EEPD1: variants seen among roughly 807,000 people sequenced by gnomAD.
EEPD1 encodes the protein endonuclease/exonuclease/phosphatase family domain-containing protein 1.
In EEPD1, 17 loss-of-function variants were observed where a neutral mutation model predicts 46.3. The observed-to-expected ratio is 0.37, with a 90% CI of 0.25 to 0.55. The LOEUF (loss-of-function observed/expected upper bound fraction) is 0.55. EEPD1 is among the 20% of genes least tolerant of loss of function. The pLI is 0.83. For missense variants in EEPD1, 673 were observed against 745.6 expected (o/e 0.90, Z 1.13); for synonymous variants, 313 against 315.6 (o/e 0.99, Z 0.09).
At chr7:36,176,234 A>G (rs965633687) in intron 2 of EEPD1, among the ~76,000 whole-genome samples, 1 of 152,210 alleles carries the variant, frequency 6.6e-6, no homozygotes, top group Non-Finnish European at 1.5e-5. Context: ...TGAAGAGGAT[A>G]AAGCCAGGCC....
chr7:36,220,165 TC>T (rs1786119967), intron 2 of EEPD1, among the ~76,000 whole-genome samples: 1 of 152,060 alleles, frequency 6.6e-6, no homozygotes, highest in African/African-American at 2.4e-5. Context: ...CAAGAAATAA[TC>T]AAAGAACAAT....
chr7:36,244,788 T>C (rs1234160016), intron 3 of EEPD1, among the ~76,000 whole-genome samples: 1 of 106,462 alleles, frequency 9.4e-6, no homozygotes, highest in Admixed American at 1.0e-4. Flanking sequence ...TTTTTTTTTT[T>C]TGGAGACGGA....
chr7:36,180,871 C>T (rs1019394299), intron 2 of EEPD1, among the ~76,000 whole-genome samples: 15 of 151,656 alleles, frequency 9.9e-5, no homozygotes, highest in African/African-American at 3.6e-4. Flanking sequence ...TCATCATGCA[C>T]CTGGACTTCT....
chr7:36,154,850 G>A lies in EEPD1; in HGVS notation c.526G>A (p.Asp176Asn). The change falls in exon 2 of 8, where the codon GAC becomes AAC. Residue 176 changes from aspartate to asparagine, a missense_variant. By Grantham distance (23) the Asp-to-Asn change is conservative. Transcript: ENST00000242108. The surrounding 1 kb of genome is among the most constrained non-coding windows in gnomAD (Gnocchi z 4.2). ...GCATGGGCCCTTTCGCAGCGTTGAG[G>A]ACCTAGTGAGGATGGATGGTATCAA... is the stretch of plus-strand genomic sequence containing the variant. The part of the protein sequence containing the change: ...REHGPFRSVE[D>N]LVRMDGINAA... 2 of 1,614,212 alleles carry A rather than the reference G, an allele frequency of 1.2e-6. No individual in the cohort carries two copies.
rs190342611 is a variant in EEPD1 at position 36,246,920 on chromosome 7, G to A, written c.930+7884G>A. On this transcript the variant is annotated intron_variant, in intron 3 of 7. Coordinates refer to ENST00000242108, the MANE Select transcript of EEPD1 (RefSeq NM_030636.3). ...GCGGGTGGATCGCCTGAGGTCAGGA[G>A]TTCGAGACCAGCCTGGCCGATATGG... Among the ~76,000 whole-genome samples, 140 of 152,196 alleles carry A rather than the reference G, an allele frequency of 9.2e-4. 4 individuals are homozygous for A. In the East Asian group the frequency reaches 0.013, roughly 15 times the overall value.
intron 2 of EEPD1, among the ~76,000 whole-genome samples, chr7:36,234,813 G>A (rs112431381): frequency 3.3e-5 from 5 of 152,242 alleles, no homozygotes; most frequent in African/African-American, 1.2e-4. Context: ...GGGTGGGCAG[G>A]GAGTGTCGTC....
chr7:36,258,430 A>G (rs540170776), intron 3 of EEPD1, among the ~76,000 whole-genome samples: 1 of 152,258 alleles, frequency 6.6e-6, no homozygotes, highest in Non-Finnish European at 1.5e-5. Context: ...ACCCACAGCC[A>G]CCCCTTCCCC....
intron 2 of EEPD1, among the ~76,000 whole-genome samples, chr7:36,206,589 G>A (rs1244489907): frequency 2.0e-5 from 3 of 151,988 alleles, no homozygotes; most frequent in Non-Finnish European, 2.9e-5. Flanking sequence ...ATGCTGTCTG[G>A]GCCCATGAAA....
At chr7:36,165,716 C>G (rs1026523029) in intron 2 of EEPD1, among the ~76,000 whole-genome samples, 20 of 152,004 alleles carry the variant, frequency 1.3e-4, no homozygotes, top group Admixed American at 1.1e-3. Context: ...GGATTACAGG[C>G]GTGAGCCACC....
rs140250564 is a variant in EEPD1 at position 36,239,013 on chromosome 7, C to T, written c.907C>T (p.Leu303Phe). 6.2e-7 allele frequency: 1 copy of T among 1,611,292 alleles called. No individual in the cohort carries two copies. Among genetic ancestry groups the T allele is most frequent in the Non-Finnish European group, 8.5e-7 (1 of 1,179,462 alleles). ...SIKLLAVQEL[L>F]DREALEKFCT... is the part of the protein sequence containing the mutation. ...CAAGCTTCTAGCTGTGCAAGAACTG[C>T]TTGACAGAGAGGCCTTGGAAAAGGT... is the stretch of plus-strand genomic sequence containing the variant. Residue 303 changes from leucine to phenylalanine, a missense_variant, in exon 3 of 8, where the codon CTT (leucine) becomes TTT (phenylalanine). Leu to Phe is a conservative substitution (Grantham distance 22). Coordinates refer to ENST00000242108, the MANE Select transcript of EEPD1 (RefSeq NM_030636.3).
chr7:36,192,722 C>T (rs1785482264), intron 2 of EEPD1, among the ~76,000 whole-genome samples: 1 of 152,148 alleles, frequency 6.6e-6, no homozygotes, highest in African/African-American at 2.4e-5. Flanking sequence ...ATGAGATTAA[C>T]ATCTAAGAAG....
Position 36,299,360 on chromosome 7 carries a change from A to C in EEPD1, c.*154A>C. On this transcript the variant is annotated 3_prime_UTR_variant, in exon 8 of 8. Transcript: ENST00000242108. ...TTGCCCCACGCCTTCTCTGTGGACC[A>C]TTCAGGACCTCCAGTGGGGGTGGCG... The C allele has an allele frequency of 1.1e-6, 1 of 925,602 alleles. No individual in the cohort carries two copies. Among genetic ancestry groups the C allele is most frequent in the Non-Finnish European group, 1.6e-6 (1 of 630,792 alleles). The allele number at this position is 925,602 out of a possible 1,614,324, so 57.3% of individuals were successfully genotyped here.
chr7:36,197,023 C>T (rs868460287), intron 2 of EEPD1, among the ~76,000 whole-genome samples: 4,333 of 149,876 alleles, frequency 0.029, 231 homozygotes, highest in African/African-American at 0.1. Context: ...TCTGCCCCGC[C>T]GCCCCGTCTG....
intron 3 of EEPD1, among the ~76,000 whole-genome samples, chr7:36,247,119 T>C (rs1786652860): frequency 1.4e-5 from 1 of 73,176 alleles, no homozygotes; most frequent in Non-Finnish European, 2.8e-5. Flanking sequence ...TGAGACTCCA[T>C]CTCAAAAAAA....
intron 2 of EEPD1, among the ~76,000 whole-genome samples, chr7:36,210,593 G>A (rs1785910004): frequency 6.6e-6 from 1 of 152,132 alleles, no homozygotes; most frequent in African/African-American, 2.4e-5. Flanking sequence ...CCCTTCCCTG[G>A]GACCTGTGTG....
intron 3 of EEPD1, among the ~76,000 whole-genome samples, chr7:36,245,640 A>G (rs1786628780): frequency 6.6e-6 from 1 of 152,232 alleles, no homozygotes; most frequent in African/African-American, 2.4e-5. Flanking sequence ...ACTTATTTTT[A>G]AAATGTTATA....
At chr7:36,233,604 G>A (rs1786375861) in intron 2 of EEPD1, among the ~76,000 whole-genome samples, 1 of 152,222 alleles carries the variant, frequency 6.6e-6, no homozygotes, top group Non-Finnish European at 1.5e-5. Context: ...ATGCTTCAAG[G>A]TAGCACAAAG....
chr7:36,285,546 C>T (rs899916187), intron 5 of EEPD1, among the ~76,000 whole-genome samples: 19 of 152,174 alleles, frequency 1.2e-4, no homozygotes, highest in Middle Eastern at 3.4e-3. Context: ...GTTAATGAAC[C>T]GCAAAATGGT....
intron 2 of EEPD1, among the ~76,000 whole-genome samples, chr7:36,197,447 C>T (rs1353420947): frequency 2.6e-5 from 4 of 152,150 alleles, no homozygotes; most frequent in Non-Finnish European, 5.9e-5. Flanking sequence ...GCCATGATGA[C>T]GATAGCAGTT....
Sources: gnomAD v4.1 joint callset for allele counts (sites outside exome capture counted in the v4.1 genomes callset) on GRCh38, gnomAD v4.1.1 for gene constraint, Gnocchi (gnomAD v3.1) non-coding constraint, MANE v1.5 for transcripts, NCBI Gene and HGNC (gene_info 2026-07-23, HGNC 2026-07-21) for gene names.